BCL11A: variants seen among roughly 807,000 people sequenced by gnomAD.
BCL11A encodes the protein BCL11 transcription factor A.
BCL11A carries 2 observed loss-of-function variants against 55.9 expected under a neutral mutation model. That is an observed-to-expected ratio of 0.04 (90% CI 0.01 to 0.11). The LOEUF (loss-of-function observed/expected upper bound fraction) is 0.11. BCL11A is among the 10% of genes least tolerant of loss of function. BCL11A has a pLI of 1.00. For synonymous variants in BCL11A, 465 were observed against 473.4 expected (o/e 0.98, Z 0.23); for missense variants, 817 against 1,137.1 (o/e 0.72, Z 4.05).
intron 2 of BCL11A, among the ~76,000 whole-genome samples, chr2:60,514,266 C>A (rs1233590616): frequency 6.6e-6 from 1 of 152,158 alleles, no homozygotes; most frequent in Admixed American, 6.5e-5. Flanking sequence ...CTAAGGAACA[C>A]CCCGGCCACT....
intron 2 of BCL11A, among the ~76,000 whole-genome samples, chr2:60,511,753 C>T (rs1472837101): frequency 3.3e-5 from 5 of 152,178 alleles, no homozygotes; most frequent in Non-Finnish European, 5.9e-5. Context: ...ATGCAGTAGG[C>T]AAAGAAGCAG....
intron 2 of BCL11A, among the ~76,000 whole-genome samples, chr2:60,482,969 T>C (rs1440803971): frequency 6.6e-6 from 1 of 152,242 alleles, no homozygotes; most frequent in Non-Finnish European, 1.5e-5. Context: ...ACAGAAATGA[T>C]GATGTTTAAG....
At position 60,468,690 on chromosome 2, in the gene BCL11A, T is replaced by C. The variant is rs767043178; in HGVS notation, c.487+42A>G. On this transcript the variant is annotated intron_variant, in intron 3 of 3. Transcript: ENST00000642384. Reference sequence around the variant, plus strand: ...GGCAATTTCCAGAAATTCTCATCTCTATACACATGGACATTTGTAGAAGAA... The same window carrying C: ...GGCAATTTCCAGAAATTCTCATCTCCATACACATGGACATTTGTAGAAGAA... The C allele has an allele frequency of 4.8e-6, 7 of 1,454,082 alleles. No homozygotes were observed. The Admixed American group carries it at 5.1e-5, about 11-fold the overall frequency. 90.1% of individuals were successfully genotyped at this position (1,454,082 alleles called of 1,614,324 possible). A position where few individuals can be genotyped will look rare whatever the true frequency, so the allele number is the denominator to read the frequency against.
At chr2:60,548,738 T>C (rs1311821005) in intron 1 of BCL11A, among the ~76,000 whole-genome samples, 3 of 152,210 alleles carry the variant, frequency 2.0e-5, no homozygotes, top group East Asian at 3.8e-4. Context: ...ATTTGGCTAG[T>C]GGTGTTCAGA....
downstream of BCL11A, among the ~76,000 whole-genome samples, chr2:60,454,099 C>G (rs930412316): frequency 6.6e-6 from 1 of 152,048 alleles, no homozygotes; most frequent in Non-Finnish European, 1.5e-5. Context: ...AGTCACTGGC[C>G]TCGTGCTGTA....
chr2:60,506,549 G>A (rs1282897607), intron 2 of BCL11A, among the ~76,000 whole-genome samples: 2 of 152,244 alleles, frequency 1.3e-5, no homozygotes, highest in Non-Finnish European at 2.9e-5. Context: ...CTGGCATGCT[G>A]AGTCCAGGAA....
At chr2:60,467,138 T>TGGTGGTGGTGGTGGTGGTGG (rs1676687968) in intron 3 of BCL11A, among the ~76,000 whole-genome samples, 3 of 61,742 alleles carry the variant, frequency 4.9e-5, no homozygotes, top group Non-Finnish European at 3.4e-5. Context: ...GATGGTGGTG[T>TGGTGGTGGTGGTGGTGGTGG]TGGTGGTGAT....
downstream of BCL11A, among the ~76,000 whole-genome samples, chr2:60,454,969 T>C (rs1675875549): frequency 6.6e-6 from 1 of 152,224 alleles, no homozygotes; most frequent in Non-Finnish European, 1.5e-5. Context: ...CCAGTGCAAA[T>C]GAAGAACTGT....
intron 2 of BCL11A, among the ~76,000 whole-genome samples, chr2:60,505,863 C>T (rs1048440102): frequency 1.3e-5 from 2 of 152,188 alleles, no homozygotes; most frequent in Non-Finnish European, 2.9e-5. Context: ...GGGGGAAATC[C>T]CTCCCAAAAC....
intron 3 of BCL11A, among the ~76,000 whole-genome samples, chr2:60,467,081 GTGGTGGTGGTGGTGA>G (rs1676658949): frequency 6.7e-6 from 1 of 149,232 alleles, no homozygotes; most frequent in Non-Finnish European, 1.5e-5. Flanking sequence ...AGTGGTGGTG[GTGGTGGTGGTGGTGA>G]TGATGGTGGT....
chr2:60,531,167 A>G (rs1448905271), intron 2 of BCL11A, among the ~76,000 whole-genome samples: 2 of 151,986 alleles, frequency 1.3e-5, no homozygotes, highest in Admixed American at 1.3e-4. Flanking sequence ...TAGAGAAAAA[A>G]AAAAAAAGAG....
At chr2:60,491,534 T>C (rs1216074901) in intron 2 of BCL11A, among the ~76,000 whole-genome samples, 4 of 151,958 alleles carry the variant, frequency 2.6e-5, no homozygotes, top group Admixed American at 2.0e-4. Context: ...TAGCCGGGCA[T>C]GGTAATACAT....
chr2:60,481,116 G>T (rs1677928687), intron 2 of BCL11A, among the ~76,000 whole-genome samples: 1 of 152,116 alleles, frequency 6.6e-6, no homozygotes, highest in African/African-American at 2.4e-5. Flanking sequence ...GTACAGCCCA[G>T]TGGTGGCCGC....
At chr2:60,530,376 A>C (rs1669394238) in intron 2 of BCL11A, among the ~76,000 whole-genome samples, 1 of 147,738 alleles carries the variant, frequency 6.8e-6, no homozygotes, top group Non-Finnish European at 1.5e-5. Context: ...TCTTACCTGC[A>C]CACGCAGGCA....
chr2:60,478,711 C>T (rs750932378), intron 2 of BCL11A, among the ~76,000 whole-genome samples: 12 of 152,254 alleles, frequency 7.9e-5, no homozygotes, highest in Non-Finnish European at 1.5e-4. Flanking sequence ...AGGAATAAAA[C>T]TAGGCTGCCC....
intron 2 of BCL11A, among the ~76,000 whole-genome samples, chr2:60,479,758 T>C (rs1219767432): frequency 1.3e-5 from 2 of 152,218 alleles, no homozygotes. Context: ...TGTCACCATT[T>C]TAAAGAGGCT....
At chr2:60,537,338 T>A (rs907905248) in intron 2 of BCL11A, 4 of 152,238 alleles carry the variant, frequency 2.6e-5, no homozygotes, top group African/African-American at 9.7e-5. Context: ...AGATTTAAGA[T>A]TTAACATTGG....
intron 2 of BCL11A, among the ~76,000 whole-genome samples, chr2:60,531,812 T>C (rs570751349): frequency 6.6e-6 from 1 of 152,286 alleles, no homozygotes; most frequent in Admixed American, 6.5e-5. Context: ...TCCCTCTTCC[T>C]AACCACCCTC....
chr2:60,453,350 G>A (rs1675803872), downstream of BCL11A, among the ~76,000 whole-genome samples: 1 of 152,220 alleles, frequency 6.6e-6, no homozygotes, highest in African/African-American at 2.4e-5. Context: ...CCTTGCTGTG[G>A]ACATTGACTT....
Sources: gnomAD v4.1 joint callset for allele counts (sites outside exome capture counted in the v4.1 genomes callset) on GRCh38, gnomAD v4.1.1 for gene constraint, MANE v1.5 for transcripts, NCBI Gene and HGNC (gene_info 2026-07-23, HGNC 2026-07-21) for gene names.